The following MID2 variants were observed in gnomAD, a reference collection of about 807,000 sequenced individuals.
MID2 encodes midline 2.
Under a neutral mutation model 46.1 loss-of-function variants are expected in MID2, and 13 were observed. The observed-to-expected ratio is 0.28, with a 90% CI of 0.18 to 0.45. The LOEUF is 0.45. Among genes scored for constraint, MID2 ranks in the 20% least tolerant of loss-of-function variants. MID2 has a pLI of 1.00. For synonymous variants in MID2, 199 were observed against 212.3 expected (o/e 0.94, Z 0.55); for missense variants, 431 against 575.4 (o/e 0.75, Z 2.57).
chrX:107,853,918 C>T (rs1931686338), intron 2 of MID2, among the ~76,000 whole-genome samples: 1 of 111,483 alleles, frequency 9.0e-6, no homozygotes, highest in Non-Finnish European at 1.9e-5. Context: ...TTGGTACTCC[C>T]ATTTGTAAAA....
At chrX:107,872,085 C>T (rs1046364363) in intron 3 of MID2, among the ~76,000 whole-genome samples, 4 of 111,592 alleles carry the variant, frequency 3.6e-5, no homozygotes, top group African/African-American at 6.5e-5. Flanking sequence ...GTAATATGGA[C>T]GATGACTGGT....
intron 1 of MID2, among the ~76,000 whole-genome samples, chrX:107,836,465 A>T (rs2147823039): frequency 9.0e-6 from 1 of 110,988 alleles, no homozygotes; most frequent in South Asian, 3.8e-4. Context: ...GTTGGCCAGG[A>T]TGGTCTCGAT....
chrX:107,890,342 G>A (rs1187040749), intron 3 of MID2, among the ~76,000 whole-genome samples: 2 of 112,171 alleles, frequency 1.8e-5, no homozygotes, highest in Non-Finnish European at 3.8e-5. Context: ...TTACAGTCAG[G>A]ACCCTTAGCT....
intron 3 of MID2, among the ~76,000 whole-genome samples, chrX:107,888,380 G>A (rs1001207795): frequency 2.7e-5 from 3 of 111,806 alleles, no homozygotes; most frequent in South Asian, 3.7e-4. Flanking sequence ...CTTTTGTTAC[G>A]TACCCAGTAG....
chrX:107,867,452 C>T (rs1259494739), intron 3 of MID2, among the ~76,000 whole-genome samples: 4 of 110,654 alleles, frequency 3.6e-5, no homozygotes, highest in Non-Finnish European at 7.6e-5. Flanking sequence ...TGAGCCACCG[C>T]GCCCGGCCTG....
intron 3 of MID2, among the ~76,000 whole-genome samples, chrX:107,872,576 C>A (rs887379222): frequency 3.6e-5 from 4 of 112,114 alleles, no homozygotes; most frequent in African/African-American, 1.3e-4. Flanking sequence ...CTTCCCAGGC[C>A]TTTACTCGGG....
At chrX:107,843,085 G>T (rs746927901) in intron 2 of MID2, among the ~76,000 whole-genome samples, 1 of 112,163 alleles carries the variant, frequency 8.9e-6, no homozygotes, top group South Asian at 3.7e-4. Context: ...ATGACATCAA[G>T]GAAGGGACAG....
chrX:107,846,235 C>T (rs1931474215), intron 2 of MID2, among the ~76,000 whole-genome samples: 1 of 111,364 alleles, frequency 9.0e-6, no homozygotes, highest in Admixed American at 9.5e-5. Flanking sequence ...GAAAAATCTT[C>T]AATGGAGGCC....
chrX:107,869,697 A>AGGACTT (rs1932026981), intron 3 of MID2, among the ~76,000 whole-genome samples: 1 of 111,123 alleles, frequency 9.0e-6, no homozygotes, highest in Non-Finnish European at 1.9e-5. Flanking sequence ...GTTGATTCCT[A>AGGACTT]AGTACTTTGT....
At chrX:107,918,048 A>G (rs1264004000) in intron 7 of MID2, among the ~76,000 whole-genome samples, 1 of 111,600 alleles carries the variant, frequency 9.0e-6, no homozygotes, top group Admixed American at 9.5e-5. Context: ...GTGGTAAAAT[A>G]CATTATGTTC....
At chrX:107,831,378 C>T (rs1931086638) in intron 1 of MID2, among the ~76,000 whole-genome samples, 1 of 112,191 alleles carries the variant, frequency 8.9e-6, no homozygotes, top group Non-Finnish European at 1.9e-5. Flanking sequence ...TGAAATCGTC[C>T]TGAAACATGA....
intron 3 of MID2, among the ~76,000 whole-genome samples, chrX:107,873,703 T>G (rs1309468896): frequency 8.9e-6 from 1 of 112,492 alleles, no homozygotes; most frequent in African/African-American, 3.2e-5. Flanking sequence ...CTGATTTAGC[T>G]GCTTGGTCTG....
At chrX:107,863,794 C>T in intron 3 of MID2, among the ~76,000 whole-genome samples, 1 of 112,680 alleles carries the variant, frequency 8.9e-6, no homozygotes, top group East Asian at 2.8e-4. Flanking sequence ...GATAGGCACA[C>T]AGCCATTGAG....
At chrX:107,887,748 C>T (rs1320263116) in intron 3 of MID2, among the ~76,000 whole-genome samples, 4 of 111,310 alleles carry the variant, frequency 3.6e-5, no homozygotes, top group African/African-American at 9.8e-5. Context: ...TGAATCCATC[C>T]GATCCTGGAC....
Position 107,826,463 on chromosome X carries a change from G to T in MID2, c.4+33G>T, listed in dbSNP as rs764677566. ...GCGCCCCCTCGCCGCGGCCCTGGAGGTCGAGCGTCGTAGCCCTCGCAGGGC... is the reference window on the plus strand; with the variant it reads ...GCGCCCCCTCGCCGCGGCCCTGGAGTTCGAGCGTCGTAGCCCTCGCAGGGC... On this transcript the variant is annotated intron_variant, in intron 1 of 9. Coordinates refer to ENST00000262843, the MANE Select transcript of MID2 (RefSeq NM_012216.4). 4.4e-6 allele frequency: 5 copies of T among 1,129,275 alleles called. No individual in the cohort carries two copies. The South Asian group carries it at 1.0e-4, about 23-fold the overall frequency. 93.1% of individuals were successfully genotyped at this position (1,129,275 alleles called of 1,213,427 possible).
chrX:107,835,424 A>C (rs1931180937), intron 1 of MID2, among the ~76,000 whole-genome samples: 1 of 112,321 alleles, frequency 8.9e-6, no homozygotes, highest in African/African-American at 3.2e-5. Flanking sequence ...GAACTGTCGA[A>C]CTATTTCCCA....
At chrX:107,857,053 G>A (rs751851312) in intron 3 of MID2, among the ~76,000 whole-genome samples, 6 of 112,200 alleles carry the variant, frequency 5.3e-5, no homozygotes, top group Non-Finnish European at 1.1e-4. Flanking sequence ...GGATACACAT[G>A]TGCAAGAAAT....
intron 3 of MID2, among the ~76,000 whole-genome samples, chrX:107,883,310 C>G (rs1932370681): frequency 9.0e-6 from 1 of 111,025 alleles, no homozygotes; most frequent in Non-Finnish European, 1.9e-5. Flanking sequence ...TGTAACAAAA[C>G]TGCATGTTCT....
intron 3 of MID2, among the ~76,000 whole-genome samples, chrX:107,900,338 A>G (rs1932785577): frequency 8.9e-6 from 1 of 111,876 alleles, no homozygotes; most frequent in African/African-American, 3.2e-5. Context: ...GCTTTGTACC[A>G]GTTATAATGG....
Sources: allele counts gnomAD v4.1 joint callset (sites outside exome capture counted in the v4.1 genomes callset), GRCh38; gene constraint gnomAD v4.1.1; transcripts MANE v1.5; gene names NCBI Gene and HGNC (gene_info 2026-07-23, HGNC 2026-07-21).